The following PTPRQ variants were observed in gnomAD, a reference collection of about 807,000 sequenced individuals.
PTPRQ encodes phosphatidylinositol phosphatase PTPRQ.
In PTPRQ, 199 loss-of-function variants were observed where a neutral mutation model predicts 246.0. That is an observed-to-expected ratio of 0.81 (90% confidence interval 0.72 to 0.91). The LOEUF (loss-of-function observed/expected upper bound fraction) is 0.91, where lower values mean the gene tolerates loss of function less well. Among genes scored for constraint, PTPRQ ranks in the 40% least tolerant of loss-of-function variants. PTPRQ has a pLI of 0.00. For synonymous variants in PTPRQ, 869 were observed against 853.2 expected (o/e 1.02, Z -0.32); for missense variants, 2,624 against 2,528.4 (o/e 1.04, Z -0.81).
chr12:80,456,468 A>G (rs1307421268), intron 3 of PTPRQ, among the ~76,000 whole-genome samples: 1 of 152,166 alleles, frequency 6.6e-6, no homozygotes, highest in Non-Finnish European at 1.5e-5. Flanking sequence ...ATATGTACAC[A>G]TTCAGATTAA....
At chr12:80,483,023 T>A (rs1487976190) in intron 8 of PTPRQ, among the ~76,000 whole-genome samples, 1 of 115,144 alleles carries the variant, frequency 8.7e-6, no homozygotes, top group Non-Finnish European at 1.8e-5. Context: ...ATCCCATTAC[T>A]GGGTATATAC....
chr12:80,662,496 T>C (rs1900664027), intron 39 of PTPRQ, among the ~76,000 whole-genome samples: 1 of 151,956 alleles, frequency 6.6e-6, no homozygotes, highest in Admixed American at 6.6e-5. Flanking sequence ...CTGTATGACC[T>C]GAAACTTTCT....
At position 80,444,392 on chromosome 12, in the gene PTPRQ, A is replaced by G; in HGVS notation, c.47A>G (p.Glu16Gly). ...IFLLLFIGTS[E>G]TQVDVSNVVP... Reference sequence around the variant, plus strand: ...CTTTTACTTTTTATTGGGACTTCAGAGACACAGGTATTTCGTATACACTCT... The same window carrying G: ...CTTTTACTTTTTATTGGGACTTCAGGGACACAGGTATTTCGTATACACTCT... Residue 16 changes from glutamate (E) to glycine (G), a missense_variant, in exon 1 of 45, where the codon GAG (glutamate) becomes GGG (glycine). Transcript: ENST00000644991. 1.4e-6 allele frequency: 2 copies of G among 1,467,052 alleles called. No individual in the cohort carries two copies. Among genetic ancestry groups the G allele is most frequent in the Non-Finnish European group, 1.9e-6 (2 of 1,072,754 alleles). The allele number at this position is 1,467,052 out of a possible 1,614,324, so 90.9% of individuals were successfully genotyped here.
chr12:80,509,755 C>G (rs191192243), intron 16 of PTPRQ, among the ~76,000 whole-genome samples: 2 of 152,208 alleles, frequency 1.3e-5, no homozygotes, highest in Admixed American at 6.5e-5. Context: ...GCTACATTGG[C>G]ATTTCCTTTG....
rs753008707 is a variant in PTPRQ, at chr12:80,462,032, C to T, written c.910+1130C>T. 8.3e-5 allele frequency: 58 copies of T among 700,990 alleles called. 1 individual carries two copies. In the Middle Eastern group the frequency reaches 1.1e-3, roughly 14 times the overall value. 43.4% of individuals were successfully genotyped at this position (700,990 alleles called of 1,614,324 possible). ...TGGATGCAGGTCAGTGCGTGCAGTG[C>T]GCCGTGAGAGAGCCGAAGCAGGGCG... On this transcript the variant is annotated intron_variant, in intron 6 of 44. Transcript: ENST00000644991.
chr12:80,527,096 T>C (rs1895709462), intron 17 of PTPRQ, among the ~76,000 whole-genome samples: 2 of 152,082 alleles, frequency 1.3e-5, no homozygotes, highest in South Asian at 2.1e-4. Flanking sequence ...CTACAACACA[T>C]GGCAAACTTT....
At chr12:80,459,920 G>A (rs1310708848) in intron 5 of PTPRQ, among the ~76,000 whole-genome samples, 2 of 152,178 alleles carry the variant, frequency 1.3e-5, no homozygotes, top group Non-Finnish European at 1.5e-5. Context: ...TACATGTAGG[G>A]TAATAGTTGA....
intron 3 of PTPRQ, among the ~76,000 whole-genome samples, chr12:80,448,265 T>G (rs1892615338): frequency 6.6e-6 from 1 of 152,158 alleles, no homozygotes; most frequent in East Asian, 1.9e-4. Context: ...TTGAAATTGT[T>G]TATCAAGTCT....
At chr12:80,531,575 G>C (rs10778762) in intron 17 of PTPRQ, among the ~76,000 whole-genome samples, 53,562 of 151,998 alleles carry the variant, frequency 0.35, 11,778 homozygotes, top group African/African-American at 0.62. Context: ...TGTGTTATCT[G>C]CAATTCGGTA....
At chr12:80,449,788 ATAGTT>A (rs1565710717) in intron 3 of PTPRQ, among the ~76,000 whole-genome samples, 2 of 152,164 alleles carry the variant, frequency 1.3e-5, no homozygotes, top group Non-Finnish European at 2.9e-5. Context: ...GCCTTATAGT[ATAGTT>A]TAAAGTCAGG....
intron 8 of PTPRQ, among the ~76,000 whole-genome samples, chr12:80,475,406 A>T (rs1307856613): frequency 6.6e-6 from 1 of 152,086 alleles, no homozygotes; most frequent in Non-Finnish European, 1.5e-5. Flanking sequence ...TTTCTCATTT[A>T]TTTGTAAAAT....
chr12:80,583,954 T>C (rs1897530325), intron 25 of PTPRQ: 3 of 152,202 alleles, frequency 2.0e-5, no homozygotes, highest in Admixed American at 1.3e-4. Context: ...TTCCTTATCA[T>C]GCAGCTCCCT....
intron 15 of PTPRQ, 114 bp downstream of exon 15, chr12:80,506,320 G>T (rs1016659541): frequency 1.7e-6 from 2 of 1,211,506 alleles, no homozygotes; most frequent in South Asian, 1.8e-5. Flanking sequence ...TTACAATTTT[G>T]TCTTTTTGGT....
At chr12:80,602,930 C>A (rs1429101844) in intron 26 of PTPRQ, among the ~76,000 whole-genome samples, 1 of 151,678 alleles carries the variant, frequency 6.6e-6, no homozygotes, top group Non-Finnish European at 1.5e-5. Context: ...TCATTCCAAG[C>A]TCATCTTTCC....
chr12:80,598,859 G>A (rs1362207983), intron 26 of PTPRQ, among the ~76,000 whole-genome samples: 2 of 151,940 alleles, frequency 1.3e-5, no homozygotes. Context: ...TTAGGAAAGT[G>A]ATCATAACGA....
intron 24 of PTPRQ, among the ~76,000 whole-genome samples, chr12:80,547,460 T>C (rs1592639550): frequency 1.3e-5 from 2 of 152,150 alleles, no homozygotes; most frequent in East Asian, 3.8e-4. Context: ...CACTTCCTGG[T>C]ATGTTAGTGA....
intron 25 of PTPRQ, among the ~76,000 whole-genome samples, chr12:80,562,454 A>G (rs570608239): frequency 3.3e-5 from 5 of 152,308 alleles, no homozygotes; most frequent in African/African-American, 7.2e-5. Context: ...TGCTCTCAGG[A>G]TGCAAAGTTT....
Position 80,444,413 on chromosome 12 carries a change from ACT to A in PTPRQ, c.54+17_54+18del. The A allele has an allele frequency of 7.1e-7, 1 of 1,400,040 alleles. No homozygotes were observed. The highest frequency in any genetic ancestry group is 9.9e-7 in the Non-Finnish European group (1 of 1,012,602). 86.7% of individuals were successfully genotyped at this position (1,400,040 alleles called of 1,614,324 possible). On this transcript the variant is annotated intron_variant, in intron 1 of 44. Transcript: ENST00000644991. Reference sequence around the variant, plus strand: ...TCAGAGACACAGGTATTTCGTATACACTCTTTAAAAACAAGGGCTAAGTCATG... The same window carrying A: ...TCAGAGACACAGGTATTTCGTATACACTTTAAAAACAAGGGCTAAGTCATG...
chr12:80,606,802 G>A (rs1479297983), intron 27 of PTPRQ, among the ~76,000 whole-genome samples: 1 of 150,814 alleles, frequency 6.6e-6, no homozygotes, highest in Non-Finnish European at 1.5e-5. Context: ...GAGCATATTT[G>A]TGAAGATTTT....
Sources: allele counts gnomAD v4.1 joint callset (sites outside exome capture counted in the v4.1 genomes callset), GRCh38; gene constraint gnomAD v4.1.1; transcripts MANE v1.5; gene names NCBI Gene and HGNC (gene_info 2026-07-23, HGNC 2026-07-21).